Variants in KRT32 observed in about 807,000 individuals in gnomAD.
The protein encoded by KRT32 is keratin 32.
A neutral mutation model predicts 41.8 loss-of-function variants in KRT32; 44 were observed. The ratio of observed to expected loss-of-function variants is 1.05; its 90% CI spans 0.83 to 1.35. The LOEUF is 1.35. Ranked by LOEUF, KRT32 falls within the 40% of genes most tolerant of loss-of-function variation. The pLI is 0.00. For synonymous variants in KRT32, 238 were observed against 242.5 expected, an observed-to-expected ratio of 0.98 and a Z score of 0.17; for missense variants, 576 against 584.6, an observed-to-expected ratio of 0.99 and a Z score of 0.15.
In KRT32 at chr17:41,467,385, C is replaced by G. The variant is rs2019083546; in HGVS notation, c.-60G>C. The G allele has an allele frequency of 4.6e-6, 6 of 1,316,200 alleles. No individual in the cohort carries two copies. Among genetic ancestry groups the G allele is most frequent in the African/African-American group, 1.5e-5 (1 of 68,778 alleles). 81.5% of individuals were successfully genotyped at this position (1,316,200 alleles called of 1,614,324 possible). On this transcript the variant is annotated 5_prime_UTR_variant, in exon 1 of 7. Coordinates refer to ENST00000225899, the MANE Select transcript of KRT32 (RefSeq NM_002278.3). ...CTGGATGTCTACAGACCCCATGCCG[C>G]CCGGGCCATTTTATGCCCTTGCAGT...
In KRT32 at chr17:41,467,385, C is replaced by A; in HGVS notation, c.-60G>T. On this transcript the variant is annotated 5_prime_UTR_variant, in exon 1 of 7. Coordinates refer to ENST00000225899, the MANE Select transcript of KRT32 (RefSeq NM_002278.3). ...CTGGATGTCTACAGACCCCATGCCG[C>A]CCGGGCCATTTTATGCCCTTGCAGT... is the stretch of plus-strand genomic sequence containing the variant. 7.6e-7 allele frequency: 1 copy of A among 1,316,200 alleles called. No homozygotes were observed. The allele number at this position is 1,316,200 out of a possible 1,614,324, so 81.5% of individuals were successfully genotyped here.
Position 41,459,969 on chromosome 17 carries a change from T to G in KRT32, c.*141A>C. On this transcript the variant is annotated 3_prime_UTR_variant, in exon 7 of 7. Transcript: ENST00000225899. ...ATGAGGGCTTAAGTATCCCCTGGAGTATCAGAGCTTGTTGCAGGTGATCCA... is the reference window on the plus strand; with the variant it reads ...ATGAGGGCTTAAGTATCCCCTGGAGGATCAGAGCTTGTTGCAGGTGATCCA... 1.3e-6 allele frequency: 1 copy of G among 799,324 alleles called. No individual in the cohort carries two copies. Among genetic ancestry groups the G allele is most frequent in the Non-Finnish European group, 1.9e-6 (1 of 518,666 alleles). The allele number at this position is 799,324 out of a possible 1,614,324, so 49.5% of individuals were successfully genotyped here.
intron 6 of KRT32, 127 bp from the exon 7 acceptor site, chr17:41,460,366 G>T: frequency 8.3e-7 from 1 of 1,206,312 alleles, no homozygotes; most frequent in Non-Finnish European, 1.2e-6. Flanking sequence ...AGCCTCCCTG[G>T]TCCCAACCTC....
intron 3 of KRT32, among the ~76,000 whole-genome samples, chr17:41,464,969 G>A (rs1386967193): frequency 2.6e-5 from 4 of 152,176 alleles, no homozygotes; most frequent in South Asian, 2.1e-4. Flanking sequence ...GAGGGTGCTC[G>A]GTGAGTACGT....
At chr17:41,465,725 C>T (rs896793988) in intron 3 of KRT32, 48 bp downstream of exon 3, 40 of 1,584,126 alleles carry the variant, frequency 2.5e-5, no homozygotes, top group Non-Finnish European at 3.2e-5. Flanking sequence ...CCCCACGTTC[C>T]TCCCCCTCTG....
chr17:41,466,188 G>A lies in KRT32; in HGVS notation c.469-12C>T. 2 of 1,611,390 alleles carry A rather than the reference G, an allele frequency of 1.2e-6. No homozygotes were observed. Among genetic ancestry groups the A allele is most frequent in the South Asian group, 1.1e-5 (1 of 91,018 alleles). ...TTGGTACACAGAATCTGTAGGCCAA[G>A]GCACATGGAGAGGGTTAGTTCAGGA... On this transcript the variant is annotated splice_polypyrimidine_tract_variant and intron_variant, in intron 1 of 6. Transcript: ENST00000225899.
At chr17:41,460,671 G>T (rs2018993389) in intron 6 of KRT32, among the ~76,000 whole-genome samples, 1 of 152,126 alleles carries the variant, frequency 6.6e-6, no homozygotes, top group Non-Finnish European at 1.5e-5. Context: ...GACACAGGGA[G>T]GGGAACATCA....
chr17:41,466,102 G>A lies in KRT32; in HGVS notation c.543C>T (p.Phe181=), dbSNP rs1421318436. ...CCCCCGACTGAACTCACTTGGCCCT[G>A]AAGTCATCGGCAGCCAGTTTGGCAT... is the stretch of plus-strand genomic sequence containing the variant. The part of the protein sequence containing the change: ...IDNAKLAADD[F]RAKYEAELAM... The change falls in exon 2 of 7, where the codon TTC becomes TTT. Residue 181 remains phenylalanine, a synonymous_variant. Transcript: ENST00000225899. The A allele has an allele frequency of 3.7e-6, 6 of 1,614,078 alleles. No individual in the cohort carries two copies. In the Admixed American group the frequency reaches 1.0e-4, roughly 27 times the overall value.
chr17:41,467,144 C>A lies in KRT32; in HGVS notation c.182G>T (p.Cys61Phe). 1 of 1,614,064 alleles carries A rather than the reference C, an allele frequency of 6.2e-7. No homozygotes were observed. The highest frequency in any genetic ancestry group is 8.5e-7 in the Non-Finnish European group (1 of 1,180,024). Residue 61 changes from cysteine to phenylalanine, a missense_variant, in exon 1 of 7, where the codon TGC becomes TTC. Coordinates refer to ENST00000225899, the MANE Select transcript of KRT32 (RefSeq NM_002278.3). ...CLPTTFRPASCLSKTYLSSSC... is the reference protein window; with the variant it reads ...CLPTTFRPASFLSKTYLSSSC... ...ACTGGATAGATAGGTTTTGGAGAGGCAGCTGGCTGGCCGGAAGGTGGTGGG... is the reference window on the plus strand; with the variant it reads ...ACTGGATAGATAGGTTTTGGAGAGGAAGCTGGCTGGCCGGAAGGTGGTGGG...
chr17:41,464,791 C>T (rs2019048979), intron 3 of KRT32, among the ~76,000 whole-genome samples: 2 of 152,202 alleles, frequency 1.3e-5, no homozygotes, highest in African/African-American at 4.8e-5. Context: ...GTAGCAGGAG[C>T]CTGGCTTGAC....
intron 3 of KRT32, among the ~76,000 whole-genome samples, chr17:41,464,810 G>C (rs11078996): frequency 0.31 from 46,595 of 152,198 alleles, 8,262 homozygotes; most frequent in Non-Finnish European, 0.39. Flanking sequence ...ACTAGTTAAA[G>C]GCCCGAGTTA....
Position 41,466,762 on chromosome 17 carries a change from G to A in KRT32, c.468+96C>T. The A allele has an allele frequency of 3.3e-6, 3 of 905,072 alleles. No individual in the cohort carries two copies. In the South Asian group the frequency reaches 4.9e-5, roughly 15 times the overall value. 56.1% of individuals were successfully genotyped at this position (905,072 alleles called of 1,614,324 possible). A position where few individuals can be genotyped will look rare whatever the true frequency, so the allele number is the denominator to read the frequency against. ...TGCCCTAGGGAAGTCTCTTTGTCCT[G>A]AACATAGCTTAATAAGCTAACGAGA... On this transcript the variant is annotated intron_variant, in intron 1 of 6. Coordinates refer to ENST00000225899, the MANE Select transcript of KRT32 (RefSeq NM_002278.3).
Position 41,467,223 on chromosome 17 carries a change from G to A in KRT32, c.103C>T (p.Leu35=). The change falls in exon 1 of 7, where the codon CTG becomes TTG. Residue 35 remains leucine, a synonymous_variant. Transcript: ENST00000225899. The part of the protein sequence containing the change: ...CSSGVNCRPE[L]CLGYVCQPMA... Reference sequence around the variant, plus strand: ...GGCTGGCAGACATAGCCCAGGCACAGCTCAGGCCGGCAGTTCACGCCGCTG... The same window carrying A: ...GGCTGGCAGACATAGCCCAGGCACAACTCAGGCCGGCAGTTCACGCCGCTG... The A allele has an allele frequency of 1.2e-6, 2 of 1,613,818 alleles. No homozygotes were observed. Among genetic ancestry groups the A allele is most frequent in the Non-Finnish European group, 1.7e-6 (2 of 1,180,028 alleles).
In KRT32 at chr17:41,465,768, C is replaced by T; in HGVS notation, c.708+5G>A. 1 of 1,607,228 alleles carries T rather than the reference C, an allele frequency of 6.2e-7. No individual in the cohort carries two copies. Among genetic ancestry groups the T allele is most frequent in the South Asian group, 1.1e-5 (1 of 90,544 alleles). On this transcript the variant is annotated splice_donor_5th_base_variant and intron_variant, in intron 3 of 6. Transcript: ENST00000225899. ...GGGCCACTTCAGCGGGACTTCCAGC[C>T]TCACCTCCTCATGGTTCTTTTTGAG...
chr17:41,463,977 G>A, intron 5 of KRT32, 101 bp downstream of exon 5: 2 of 1,208,856 alleles, frequency 1.7e-6, no homozygotes, highest in African/African-American at 1.5e-5. Context: ...ATCCATGGTG[G>A]CTGAAATCTG....
rs756393840 is a variant in KRT32 at position 41,466,882 on chromosome 17, C to A, written c.444G>T (p.Arg148Ser). ...TMTPDYQSHF[R>S]TIEELQQKIL... Reference sequence around the variant, plus strand: ...CCTTCTGCTGGAGCTCCTCAATGGTCCTGAAATGAGACTGGTAGTCAGGAG... The same window carrying A: ...CCTTCTGCTGGAGCTCCTCAATGGTACTGAAATGAGACTGGTAGTCAGGAG... Residue 148 changes from arginine to serine, a missense_variant, in exon 1 of 7, where the codon AGG (arginine) becomes AGT (serine). By Grantham distance (110) the Arg-to-Ser change is moderately radical. Coordinates refer to ENST00000225899, the MANE Select transcript of KRT32 (RefSeq NM_002278.3). 1.2e-6 allele frequency: 2 copies of A among 1,613,600 alleles called. No individual in the cohort carries two copies. Among genetic ancestry groups the A allele is most frequent in the African/African-American group, 2.7e-5 (2 of 74,916 alleles).
chr17:41,466,039 C>T, intron 2 of KRT32, 55 bp downstream of exon 2: 1 of 1,607,356 alleles, frequency 6.2e-7, no homozygotes, highest in South Asian at 1.1e-5. Context: ...GGAAAGTTGC[C>T]CCAGAGCCTA....
In KRT32 at chr17:41,467,014, G is replaced by T; in HGVS notation, c.312C>A (p.Asn104Lys). 1.2e-6 allele frequency: 2 copies of T among 1,614,266 alleles called. No individual in the cohort carries two copies. Among genetic ancestry groups the T allele is most frequent in the Non-Finnish European group, 1.7e-6 (2 of 1,180,046 alleles). ...GNEKETMQFL[N>K]DRLASYLTRV... ...TCGTCAGGTAGCTGGCCAGGCGGTC[G>T]TTAAGGAACTGCATGGTTTCCTTCT... Residue 104 changes from asparagine (N) to lysine (K), a missense_variant, in exon 1 of 7, where the codon AAC (asparagine) becomes AAA (lysine). Transcript: ENST00000225899.
chr17:41,461,678 C>A (rs969363072), intron 6 of KRT32, among the ~76,000 whole-genome samples: 1 of 152,242 alleles, frequency 6.6e-6, no homozygotes. Context: ...AAGGCAAGAG[C>A]TTTCTGCTTT....
Sources: allele counts gnomAD v4.1 joint callset (sites outside exome capture counted in the v4.1 genomes callset), GRCh38; gene constraint gnomAD v4.1.1; transcripts MANE v1.5; gene names NCBI Gene and HGNC (gene_info 2026-07-23, HGNC 2026-07-21).